Variants in JAM2 observed in about 807,000 individuals in gnomAD.
JAM2 encodes the protein junctional adhesion molecule 2.
Under a neutral mutation model 42.0 loss-of-function variants are expected in JAM2, and 17 were observed. That is an observed-to-expected ratio of 0.40 (90% CI 0.28 to 0.61). The LOEUF is 0.61. Ranked by LOEUF, JAM2 falls within the 20% of genes least tolerant of loss-of-function variation. The pLI, the probability that JAM2 is intolerant of heterozygous loss-of-function variation, is 0.37. For synonymous variants in JAM2, 118 were observed against 128.6 expected (o/e 0.92, Z 0.56); for missense variants, 319 against 358.3 (o/e 0.89, Z 0.89).
intron 9 of JAM2, among the ~76,000 whole-genome samples, chr21:25,713,112 C>G (rs1420348874): frequency 6.6e-6 from 1 of 152,128 alleles, no homozygotes; most frequent in African/African-American, 2.4e-5. Context: ...GTCCTGCCCT[C>G]ATCACCTAAT....
intron 5 of JAM2, among the ~76,000 whole-genome samples, chr21:25,699,235 A>G (rs1360323890): frequency 6.6e-6 from 1 of 152,152 alleles, no homozygotes; most frequent in Non-Finnish European, 1.5e-5. Context: ...ATTTTCGTAG[A>G]CCCTAAGCTA....
At chr21:25,684,558 A>T (rs1467514807) in intron 2 of JAM2, among the ~76,000 whole-genome samples, 1 of 152,172 alleles carries the variant, frequency 6.6e-6, no homozygotes, top group Non-Finnish European at 1.5e-5. Context: ...AGTAACCTAT[A>T]TATGGGCTTT....
intron 1 of JAM2, among the ~76,000 whole-genome samples, chr21:25,654,394 A>G (rs935135894): frequency 6.6e-6 from 1 of 152,152 alleles, no homozygotes; most frequent in African/African-American, 2.4e-5. Context: ...CACGCCTGTA[A>G]TCCCAGCACT....
intron 1 of JAM2, among the ~76,000 whole-genome samples, chr21:25,645,127 T>TGGGAA (rs2032569263): frequency 6.6e-6 from 1 of 152,206 alleles, no homozygotes; most frequent in South Asian, 2.1e-4. Context: ...ATGATCTGCC[T>TGGGAA]GCCTTGGCTT....
chr21:25,673,775 C>T (rs943497646), intron 1 of JAM2, among the ~76,000 whole-genome samples: 2 of 152,150 alleles, frequency 1.3e-5, no homozygotes, highest in Admixed American at 6.6e-5. Context: ...TAACTACTCT[C>T]AATTGTCATA....
chr21:25,643,064 T>G (rs1159178134), intron 1 of JAM2, among the ~76,000 whole-genome samples: 1 of 152,178 alleles, frequency 6.6e-6, no homozygotes, highest in East Asian at 1.9e-4. Flanking sequence ...AGCCTTCAAC[T>G]CCTAATACCA....
Position 25,717,291 on chromosome 21 carries a change from C to CA in JAM2, c.*2621dup. The CA allele has an allele frequency of 6.2e-6, 1 of 162,588 alleles. No individual in the cohort carries two copies. Among genetic ancestry groups the CA allele is most frequent in the East Asian group, 1.8e-4 (1 of 5,534 alleles). 10.1% of individuals were successfully genotyped at this position (162,588 alleles called of 1,614,324 possible). ...TTTACTTGAGGAACTTGAACACTAA[C>CA]AACTGGTAAAATCCCATTGTAATTC... is the stretch of plus-strand genomic sequence containing the variant. On this transcript the variant is annotated 3_prime_UTR_variant, in exon 10 of 10. Coordinates refer to ENST00000480456, the MANE Select transcript of JAM2 (RefSeq NM_021219.4).
At chr21:25,651,331 T>G (rs2032776414) in intron 1 of JAM2, among the ~76,000 whole-genome samples, 1 of 152,188 alleles carries the variant, frequency 6.6e-6, no homozygotes, top group African/African-American at 2.4e-5. Flanking sequence ...ATTTAAATGG[T>G]TCTTCAAATA....
intron 6 of JAM2, 138 bp downstream of exon 6, chr21:25,702,407 T>C (rs2034186054): frequency 2.0e-6 from 1 of 495,240 alleles, no homozygotes. Flanking sequence ...TAAAATTAAC[T>C]TGATATGATG....
At chr21:25,687,344 A>C (rs1389957311) in intron 2 of JAM2, among the ~76,000 whole-genome samples, 1 of 152,222 alleles carries the variant, frequency 6.6e-6, no homozygotes, top group Non-Finnish European at 1.5e-5. Flanking sequence ...ATGTTCAAAA[A>C]AAGTAATTCT....
chr21:25,640,827 T>C (rs4817046), intron 1 of JAM2, among the ~76,000 whole-genome samples: 62,991 of 142,062 alleles, frequency 0.44, 16,875 homozygotes, highest in Non-Finnish European at 0.61. Context: ...CTCTCTCTCT[T>C]TCTTTCTGTC....
At chr21:25,680,612 G>A (rs1480665615) in intron 1 of JAM2, among the ~76,000 whole-genome samples, 1 of 152,246 alleles carries the variant, frequency 6.6e-6, no homozygotes, top group East Asian at 1.9e-4. Flanking sequence ...AAATACAGAT[G>A]TCCAGCAGAA....
intron 1 of JAM2, among the ~76,000 whole-genome samples, chr21:25,649,018 T>A (rs747598137): frequency 2.6e-5 from 4 of 152,238 alleles, no homozygotes; most frequent in Non-Finnish European, 4.4e-5. Context: ...AACAGTGGCC[T>A]CCCTAAGATA....
chr21:25,683,662 A>G (rs2033687242), intron 1 of JAM2, among the ~76,000 whole-genome samples: 1 of 152,180 alleles, frequency 6.6e-6, no homozygotes, highest in Admixed American at 6.5e-5. Flanking sequence ...CATGGATTCT[A>G]CTTTGGAAAA....
At chr21:25,677,264 G>T (rs995724049) in intron 1 of JAM2, among the ~76,000 whole-genome samples, 1 of 151,500 alleles carries the variant, frequency 6.6e-6, no homozygotes, top group Non-Finnish European at 1.5e-5. Flanking sequence ...ATTTATTAAA[G>T]CTAATTCCCT....
At position 25,655,738 on chromosome 21, in the gene JAM2, C is replaced by T. The variant is rs184370817; in HGVS notation, c.67+15850C>T. Among the ~76,000 whole-genome samples, 200 of 149,474 alleles carry T rather than the reference C, an allele frequency of 1.3e-3. 1 individual carries two copies. Among genetic ancestry groups the T allele is most frequent in the African/African-American group, 4.5e-3 (182 of 40,512 alleles). On this transcript the variant is annotated intron_variant, in intron 1 of 9. Transcript: ENST00000480456. ...CTCGAACTCTTGACCTCAGGTGATC[C>T]GCCTGCCTTGGCCTCCCAAATTGCT... is the stretch of plus-strand genomic sequence containing the variant.
intron 1 of JAM2, among the ~76,000 whole-genome samples, chr21:25,679,486 T>A (rs1292623081): frequency 6.6e-6 from 1 of 152,202 alleles, no homozygotes; most frequent in African/African-American, 2.4e-5. Flanking sequence ...TAGGGACATT[T>A]TTAGTTGTCA....
chr21:25,660,496 C>A (rs2033050218), intron 1 of JAM2, among the ~76,000 whole-genome samples: 1 of 151,832 alleles, frequency 6.6e-6, no homozygotes, highest in South Asian at 2.1e-4. Flanking sequence ...TGAGTGGTTG[C>A]TATATATTTG....
intron 1 of JAM2, among the ~76,000 whole-genome samples, chr21:25,652,843 A>G (rs1352555849): frequency 1.3e-5 from 2 of 152,248 alleles, no homozygotes; most frequent in African/African-American, 4.8e-5. Context: ...GCCTGTATCA[A>G]TCAGCTTTGA....
Sources: gnomAD v4.1 joint callset for allele counts (sites outside exome capture counted in the v4.1 genomes callset) on GRCh38, gnomAD v4.1.1 for gene constraint, MANE v1.5 for transcripts, NCBI Gene and HGNC (gene_info 2026-07-23, HGNC 2026-07-21) for gene names.